Variants in ABTB3 observed in about 807,000 individuals in gnomAD.
The protein encoded by ABTB3 is ankyrin repeat and BTB domain containing 3.
chr12:107,587,451 A>G, the ABTB3 span, among the ~76,000 whole-genome samples: 3 of 152,260 alleles, frequency 2.0e-5, no homozygotes, highest in South Asian at 6.2e-4. Flanking sequence ...AAGCAGCAGG[A>G]CTTGGTGATG....
the ABTB3 span, among the ~76,000 whole-genome samples, chr12:107,595,957 A>G: frequency 6.6e-6 from 1 of 152,042 alleles, no homozygotes; most frequent in African/African-American, 2.4e-5. Context: ...ACGTATATTC[A>G]CTTATATATT....
chr12:107,618,276 G>A, the ABTB3 span: 83 of 1,607,588 alleles, frequency 5.2e-5, no homozygotes, highest in Non-Finnish European at 6.1e-5. Context: ...CCCCTTGTGC[G>A]CCAGCCGCAA....
chr12:107,608,573 C>T, the ABTB3 span, among the ~76,000 whole-genome samples: 1 of 152,160 alleles, frequency 6.6e-6, no homozygotes, highest in Non-Finnish European at 1.5e-5. Context: ...CTCCTATCTT[C>T]TGAGTTAAGA....
At chr12:107,331,794 C>T in the ABTB3 span, among the ~76,000 whole-genome samples, 2 of 152,232 alleles carry the variant, frequency 1.3e-5, no homozygotes, top group East Asian at 1.9e-4. Flanking sequence ...CGTCCTGCTC[C>T]TGCCATTCTG....
the ABTB3 span, among the ~76,000 whole-genome samples, chr12:107,373,993 G>A: frequency 6.6e-6 from 1 of 152,192 alleles, no homozygotes; most frequent in Non-Finnish European, 1.5e-5. Context: ...CTGTTAGTGT[G>A]TGTCCTGGGC....
the ABTB3 span, among the ~76,000 whole-genome samples, chr12:107,557,434 A>G: frequency 6.6e-6 from 1 of 152,258 alleles, no homozygotes; most frequent in South Asian, 2.1e-4. Context: ...AAATGTCATT[A>G]TCATACAGTA....
At chr12:107,501,816 C>T in the ABTB3 span, among the ~76,000 whole-genome samples, 1 of 152,076 alleles carries the variant, frequency 6.6e-6, no homozygotes, top group Non-Finnish European at 1.5e-5. Context: ...GGTGGGGAAA[C>T]ACCACGGAGC....
At chr12:107,395,459 T>TCCCCTGTGCTGTGTGCACC in the ABTB3 span, among the ~76,000 whole-genome samples, 3 of 152,152 alleles carry the variant, frequency 2.0e-5, no homozygotes, top group Non-Finnish European at 4.4e-5. Flanking sequence ...CCCTGGGCAC[T>TCCCCTGTGCTGTGTGCACC]CCCCTGTGCT....
chr12:107,544,200 G>A, the ABTB3 span: 1 of 1,534,518 alleles, frequency 6.5e-7, no homozygotes, highest in African/African-American at 1.4e-5. Context: ...TGGGGCAAGT[G>A]TCCAGGATGG....
the ABTB3 span, chr12:107,520,211 A>G: frequency 1.0e-6 from 1 of 985,234 alleles, no homozygotes; most frequent in African/African-American, 1.7e-5. Flanking sequence ...AGGCCCGAGG[A>G]GAGGATTCTG....
chr12:107,654,990 T>C, the ABTB3 span, among the ~76,000 whole-genome samples: 1 of 152,024 alleles, frequency 6.6e-6, no homozygotes, highest in Non-Finnish European at 1.5e-5. Flanking sequence ...GCAGAGAGCC[T>C]GATTAGCCTT....
chr12:107,620,996 C>G, the ABTB3 span, among the ~76,000 whole-genome samples: 1 of 152,112 alleles, frequency 6.6e-6, no homozygotes, highest in Non-Finnish European at 1.5e-5. Flanking sequence ...GCCTCTGAAC[C>G]AAAGGGCAGT....
At chr12:107,608,322 C>G in the ABTB3 span, among the ~76,000 whole-genome samples, 1 of 152,200 alleles carries the variant, frequency 6.6e-6, no homozygotes, top group Non-Finnish European at 1.5e-5. Context: ...GGCCCACCCT[C>G]CGTCCTCTCA....
At chr12:107,600,975 G>T in the ABTB3 span, among the ~76,000 whole-genome samples, 1 of 152,192 alleles carries the variant, frequency 6.6e-6, no homozygotes, top group Non-Finnish European at 1.5e-5. Flanking sequence ...TGGTGGTGGG[G>T]GGGTGTCCAG....
At chr12:107,469,962 T>C in the ABTB3 span, among the ~76,000 whole-genome samples, 417 of 70,338 alleles carry the variant, frequency 5.9e-3, 4 homozygotes, top group African/African-American at 0.016. Context: ...CTTTCTTTCT[T>C]TCTTTCTTTC....
At chr12:107,458,723 G>A in the ABTB3 span, among the ~76,000 whole-genome samples, 4 of 152,118 alleles carry the variant, frequency 2.6e-5, no homozygotes, top group South Asian at 8.3e-4. Context: ...TAGGGCAAGG[G>A]AAATCCAACA....
At chr12:107,568,194 C>T in the ABTB3 span, among the ~76,000 whole-genome samples, 14,761 of 152,166 alleles carry the variant, frequency 0.097, 816 homozygotes, top group Middle Eastern at 0.12. Flanking sequence ...ATATTCTGTG[C>T]GAGTTACTGA....
the ABTB3 span, among the ~76,000 whole-genome samples, chr12:107,404,425 G>C: frequency 6.6e-6 from 1 of 152,098 alleles, no homozygotes; most frequent in African/African-American, 2.4e-5. Flanking sequence ...ACAAATACTC[G>C]ATCTCTGCTC....
the ABTB3 span, among the ~76,000 whole-genome samples, chr12:107,595,139 G>T: frequency 3.9e-5 from 6 of 152,182 alleles, no homozygotes; most frequent in Non-Finnish European, 8.8e-5. Context: ...TTGGAAAAAA[G>T]ATGGATTTTG....
Sources: allele counts gnomAD v4.1 joint callset (sites outside exome capture counted in the v4.1 genomes callset), GRCh38; gene constraint gnomAD v4.1.1; transcripts MANE v1.5; gene names NCBI Gene and HGNC (gene_info 2026-07-23, HGNC 2026-07-21).